Variants in PTPRM observed in about 807,000 individuals in gnomAD.
PTPRM encodes the protein protein tyrosine phosphatase receptor type M.
Under a neutral mutation model 186.7 loss-of-function variants are expected in PTPRM, and 47 were observed. That is an observed-to-expected ratio of 0.25 (90% CI 0.20 to 0.32). The LOEUF is 0.32. Ranked by LOEUF, PTPRM falls within the 10% of genes least tolerant of loss-of-function variation. The probability of loss-of-function intolerance (pLI) is 1.00; values close to 1 mark genes in which losing one functional copy is unlikely to be tolerated. For missense variants in PTPRM, 1,494 were observed against 1,865.0 expected (o/e 0.80, Z 3.66); for synonymous variants, 668 against 674.9 (o/e 0.99, Z 0.16).
intron 7 of PTPRM, among the ~76,000 whole-genome samples, chr18:7,977,639 A>G (rs1032567688): frequency 1.2e-4 from 18 of 152,128 alleles, no homozygotes; most frequent in African/African-American, 4.3e-4. Flanking sequence ...TGGTTTTCCT[A>G]ACTCAGGGCT....
chr18:7,919,088 A>G (rs2050718736), intron 4 of PTPRM, among the ~76,000 whole-genome samples: 1 of 152,120 alleles, frequency 6.6e-6, no homozygotes, highest in African/African-American at 2.4e-5. Context: ...CCTTTGTCAA[A>G]GACAAGTTGG....
chr18:7,793,903 A>G (rs1382224079), intron 2 of PTPRM, among the ~76,000 whole-genome samples: 1 of 152,144 alleles, frequency 6.6e-6, no homozygotes, highest in African/African-American at 2.4e-5. Flanking sequence ...GGAAGACATA[A>G]GGGGCTGGAG....
chr18:7,786,754 C>T (rs1028053389), intron 2 of PTPRM, among the ~76,000 whole-genome samples: 1 of 152,198 alleles, frequency 6.6e-6, no homozygotes, highest in African/African-American at 2.4e-5. Context: ...CCTGATTGTC[C>T]TGGCTTACTG....
intron 2 of PTPRM, among the ~76,000 whole-genome samples, chr18:7,877,437 G>A (rs1226756504): frequency 2.0e-5 from 3 of 152,178 alleles, no homozygotes; most frequent in Non-Finnish European, 4.4e-5. Flanking sequence ...ATGGGTGTAA[G>A]AAATTTCCTT....
intron 14 of PTPRM, among the ~76,000 whole-genome samples, chr18:8,229,638 T>C (rs556384486): frequency 5.9e-5 from 9 of 152,330 alleles, no homozygotes; most frequent in Admixed American, 2.0e-4. Flanking sequence ...CTCAGAGTCA[T>C]GCAAGACATT....
chr18:7,800,860 G>A (rs1408067078), intron 2 of PTPRM, among the ~76,000 whole-genome samples: 1 of 152,150 alleles, frequency 6.6e-6, no homozygotes, highest in Non-Finnish European at 1.5e-5. Context: ...AATACTGTAG[G>A]TAATTGCAAC....
At chr18:8,392,113 G>T (rs749846445) in intron 31 of PTPRM, among the ~76,000 whole-genome samples, 10 of 152,048 alleles carry the variant, frequency 6.6e-5, no homozygotes, top group Non-Finnish European at 8.8e-5. Context: ...AAATAAATTT[G>T]CAAGACATAC....
At position 7,805,462 on chromosome 18, in the gene PTPRM, G is replaced by T. The variant is rs147966231; in HGVS notation, c.196+31191G>T. On this transcript the variant is annotated intron_variant, in intron 2 of 32. Transcript: ENST00000580170. The stretch of plus-strand genomic sequence containing the variant: ...TATGAGCTCTTTCACTTCCATCTTG[G>T]TACAACTGAGATAAAAAAACTTTCT... 1.3e-5 allele frequency among the ~76,000 whole-genome samples: 2 copies of T among 152,182 alleles called. 1 individual carries two copies. Among genetic ancestry groups the T allele is most frequent in the South Asian group, 4.1e-4 (2 of 4,822 alleles).
rs142114264 is a variant in PTPRM, at chr18:8,044,837, A to T, written c.1133-24849A>T. Among the ~76,000 whole-genome samples the T allele has an allele frequency of 9.4e-3, 1,436 of 152,090 alleles. 24 individuals are homozygous for T. The highest frequency in any genetic ancestry group is 0.032 in the African/African-American group (1,327 of 41,460). On this transcript the variant is annotated intron_variant, in intron 7 of 32. Coordinates refer to ENST00000580170, the MANE Select transcript of PTPRM (RefSeq NM_001105244.2). ...ACTTTATACCCACTAGGATTTCTAT[A>T]AAAAAATATGGAAAATAATAAGTGT...
intron 14 of PTPRM, among the ~76,000 whole-genome samples, chr18:8,179,883 C>T (rs1161777552): frequency 6.6e-6 from 1 of 152,136 alleles, no homozygotes; most frequent in African/African-American, 2.4e-5. Flanking sequence ...CCAAAAATAC[C>T]TCTTTACCTT....
chr18:7,587,442 T>C (rs537351002), intron 1 of PTPRM, among the ~76,000 whole-genome samples: 1 of 152,164 alleles, frequency 6.6e-6, no homozygotes, highest in African/African-American at 2.4e-5. Context: ...TTATTTTTAA[T>C]GACCTGTTAG....
chr18:8,395,758 C>A (rs534933175), intron 32 of PTPRM, among the ~76,000 whole-genome samples: 1 of 152,178 alleles, frequency 6.6e-6, no homozygotes, highest in African/African-American at 2.4e-5. Context: ...CCCCACCCTA[C>A]GGGGAGCCCA....
At chr18:8,213,642 G>C (rs557392669) in intron 14 of PTPRM, among the ~76,000 whole-genome samples, 5 of 152,150 alleles carry the variant, frequency 3.3e-5, no homozygotes, top group Non-Finnish European at 5.9e-5. Context: ...GCACATGAAA[G>C]CTCTGAAGAG....
intron 2 of PTPRM, among the ~76,000 whole-genome samples, chr18:7,840,434 G>C (rs2046267794): frequency 6.6e-6 from 1 of 152,192 alleles, no homozygotes; most frequent in Non-Finnish European, 1.5e-5. Flanking sequence ...TGAAGGTATC[G>C]TATTTTGAAG....
chr18:8,346,779 CT>C (rs2095507603), intron 23 of PTPRM, among the ~76,000 whole-genome samples: 1 of 147,914 alleles, frequency 6.8e-6, no homozygotes, highest in South Asian at 2.2e-4. Flanking sequence ...AATCTACCTA[CT>C]TTTACTATGA....
At chr18:7,575,390 A>T (rs544886712) in intron 1 of PTPRM, among the ~76,000 whole-genome samples, 152 of 152,306 alleles carry the variant, frequency 1.0e-3, no homozygotes, top group African/African-American at 3.6e-3. Context: ...AAAGAAAGGC[A>T]CGAGAGCGGA....
At chr18:7,772,444 CCCTTCCTTCCTTCCTTCCTTCCTT>C (rs200187256) in intron 1 of PTPRM, among the ~76,000 whole-genome samples, 1,107 of 92,398 alleles carry the variant, frequency 0.012, 15 homozygotes, top group East Asian at 0.021. Context: ...CTTCCCCTTC[CCCTTCCTTCCTTCCTTCCTTCCTT>C]CCTTCCTTCC....
At chr18:7,973,711 A>T (rs2054732827) in intron 7 of PTPRM, among the ~76,000 whole-genome samples, 1 of 152,132 alleles carries the variant, frequency 6.6e-6, no homozygotes, top group Non-Finnish European at 1.5e-5. Context: ...TTTATCAATT[A>T]TATCTTTTAG....
chr18:7,965,920 CT>C (rs1162443543), intron 7 of PTPRM, among the ~76,000 whole-genome samples: 11 of 152,160 alleles, frequency 7.2e-5, no homozygotes, highest in African/African-American at 2.7e-4. Flanking sequence ...GACTTGCCAA[CT>C]TCATCTGTAA....
Sources: gnomAD v4.1 joint callset for allele counts (sites outside exome capture counted in the v4.1 genomes callset) on GRCh38, gnomAD v4.1.1 for gene constraint, MANE v1.5 for transcripts, NCBI Gene and HGNC (gene_info 2026-07-23, HGNC 2026-07-21) for gene names.